Variants in KANTR observed in about 807,000 individuals in gnomAD.
KANTR encodes KANTR integral membrane protein.
exon 3 of KANTR, chrX:53,126,163 C>CT (rs1202835741): frequency 2.7e-5 from 3 of 110,187 alleles, no homozygotes; most frequent in African/African-American, 9.9e-5. Flanking sequence ...CAGTTTTACT[C>CT]TAACATGTTT....
At chrX:53,139,524 C>T (rs1933472967) in intron 2 of KANTR, among the ~76,000 whole-genome samples, 1 of 111,990 alleles carries the variant, frequency 8.9e-6, no homozygotes, top group Non-Finnish European at 1.9e-5. Context: ...TCCTGTGAAT[C>T]ATCAAGAAGA....
chrX:53,131,996 A>G (rs918933417), downstream of KANTR, among the ~76,000 whole-genome samples: 16 of 112,342 alleles, frequency 1.4e-4, no homozygotes, highest in African/African-American at 5.2e-4. Flanking sequence ...GAACAATTGG[A>G]TACAGAAAGT....
chrX:53,124,667 C>G (rs1312115006), exon 3 of KANTR: 2 of 278,680 alleles, frequency 7.2e-6, no homozygotes, highest in Non-Finnish European at 1.3e-5. Flanking sequence ...AAGGTTACTT[C>G]TTTGACCTGT....
chrX:53,143,153 A>G, downstream of KANTR: 3 of 989,213 alleles, frequency 3.0e-6, no homozygotes, highest in Non-Finnish European at 4.3e-6. Flanking sequence ...TGCAGACACC[A>G]GAACCACTTG....
chrX:53,132,157 T>C (rs1223764803), downstream of KANTR, among the ~76,000 whole-genome samples: 1 of 112,135 alleles, frequency 8.9e-6, no homozygotes. Context: ...AGTATTGTTA[T>C]GATGTCAATT....
chrX:53,145,911 A>G (rs1279045247), downstream of KANTR, among the ~76,000 whole-genome samples: 22 of 112,392 alleles, frequency 2.0e-4, no homozygotes, highest in Middle Eastern at 4.6e-3. Context: ...ACCTCCAGCA[A>G]ACTCCAACAT....
intron 2 of KANTR, among the ~76,000 whole-genome samples, chrX:53,104,034 T>C (rs1162559877): frequency 9.0e-6 from 1 of 110,973 alleles, no homozygotes; most frequent in Non-Finnish European, 1.9e-5. Flanking sequence ...TACCATCTAA[T>C]TCACCTTTTA....
chrX:53,110,473 C>T (rs1021133211), intron 2 of KANTR, among the ~76,000 whole-genome samples: 5 of 112,088 alleles, frequency 4.5e-5, no homozygotes, highest in South Asian at 3.7e-4. Flanking sequence ...AAATCCTACT[C>T]GATCATAGTA....
chrX:53,101,594 T>C (rs782548593), intron 2 of KANTR, among the ~76,000 whole-genome samples: 37 of 112,244 alleles, frequency 3.3e-4, no homozygotes, highest in African/African-American at 1.2e-3. Context: ...GACAGAGGAA[T>C]AGCCAGTCAG....
At chrX:53,142,334 G>A (rs868974330) in exon 3 of KANTR, 1 of 34,101 alleles carries the variant, frequency 2.9e-5, no homozygotes, top group Admixed American at 3.1e-4. Context: ...TTTTTTTTTT[G>A]AGACGTAGTC....
At position 53,108,707 on chromosome X, in the gene KANTR, C is replaced by CT. The variant is rs144256115; in HGVS notation, c.-805+9110dup. ...ACTTTTTTCTTTCCTGTCTGAATGC[C>CT]TTTTTTTTTTTGAGGCAGGGTCTCG... On this transcript the variant is annotated intron_variant, in intron 2 of 2. Coordinates refer to ENST00000604062, the Ensembl canonical transcript of KANTR. Among the ~76,000 whole-genome samples the CT allele has an allele frequency of 4.5e-3, 460 of 102,538 alleles. 7 individuals are homozygous for CT. The highest frequency in any genetic ancestry group is 0.014 in the African/African-American group (386 of 28,510). 89.0% of individuals were successfully genotyped at this position (102,538 alleles called of 115,157 possible). A position where few individuals can be genotyped will look rare whatever the true frequency, so the allele number is the denominator to read the frequency against.
intron 2 of KANTR, among the ~76,000 whole-genome samples, chrX:53,141,301 C>T (rs1933498671): frequency 8.9e-6 from 1 of 112,107 alleles, no homozygotes; most frequent in African/African-American, 3.2e-5. Flanking sequence ...GTGGGGGCTG[C>T]AGTATACAGC....
downstream of KANTR, among the ~76,000 whole-genome samples, chrX:53,145,089 C>T (rs906239366): frequency 9.0e-5 from 10 of 111,553 alleles, no homozygotes; most frequent in South Asian, 3.8e-4. Context: ...ATGCAGAAGA[C>T]GGGTGATTTC....
At chrX:53,138,686 CAA>C (rs1284883955) in intron 2 of KANTR, among the ~76,000 whole-genome samples, 3 of 102,114 alleles carry the variant, frequency 2.9e-5, no homozygotes, top group African/African-American at 1.1e-4. Context: ...GCTTGGGCAA[CAA>C]GAGCGAAATT....
chrX:53,098,369 T>C (rs964331809), intron 1 of KANTR, among the ~76,000 whole-genome samples: 13 of 112,268 alleles, frequency 1.2e-4, no homozygotes, highest in African/African-American at 4.2e-4. Flanking sequence ...TGGAGGGTCT[T>C]ACCTCGATGT....
intron 2 of KANTR, among the ~76,000 whole-genome samples, chrX:53,115,080 A>G: frequency 8.9e-6 from 1 of 111,948 alleles, no homozygotes; most frequent in Non-Finnish European, 1.9e-5. Flanking sequence ...GGCCACAGAG[A>G]TCAGCCCACC....
At chrX:53,130,885 G>A (rs186936047), downstream of KANTR, among the ~76,000 whole-genome samples, 26 of 111,700 alleles carry the variant, frequency 2.3e-4, no homozygotes, top group East Asian at 5.9e-3. Context: ...GTCAGAATGG[G>A]ATAGAATTCT....
downstream of KANTR, among the ~76,000 whole-genome samples, chrX:53,130,043 T>C (rs112793736): frequency 0.04 from 4,363 of 109,829 alleles, 232 homozygotes; most frequent in African/African-American, 0.14. Context: ...ATTTTTGTAT[T>C]TTTAGTAGAG....
downstream of KANTR, among the ~76,000 whole-genome samples, chrX:53,147,108 C>T (rs1266604499): frequency 9.0e-6 from 1 of 111,643 alleles, no homozygotes. Context: ...ATCGAATTCA[C>T]ACATAACAAT....
Sources: gnomAD v4.1 joint callset for allele counts (sites outside exome capture counted in the v4.1 genomes callset) on GRCh38, gnomAD v4.1.1 for gene constraint, MANE v1.5 for transcripts, NCBI Gene and HGNC (gene_info 2026-07-23, HGNC 2026-07-21) for gene names.